TSPAN18: variants seen among roughly 807,000 people sequenced by gnomAD.
TSPAN18 encodes tetraspanin 18, also known as tetraspanin-18.
In TSPAN18, 14 loss-of-function variants were observed where a neutral mutation model predicts 27.3. The observed-to-expected ratio is 0.51, with a 90% CI of 0.34 to 0.80. The LOEUF is 0.80. Ranked by LOEUF, TSPAN18 falls within the 30% of genes least tolerant of loss-of-function variation. The pLI, the probability that TSPAN18 is intolerant of heterozygous loss-of-function variation, is 0.01. For missense variants in TSPAN18, 268 were observed against 323.9 expected, an observed-to-expected ratio of 0.83 and a Z score of 1.32; for synonymous variants, 143 against 136.5, an observed-to-expected ratio of 1.05 and a Z score of -0.33.
intron 3 of TSPAN18, among the ~76,000 whole-genome samples, chr11:44,905,327 G>C (rs758295625): frequency 9.9e-5 from 15 of 152,140 alleles, no homozygotes; most frequent in Non-Finnish European, 2.2e-4. Context: ...CCTTTGCACT[G>C]AGTCCTGTCA....
chr11:44,862,367 T>C (rs1857919020), intron 3 of TSPAN18, among the ~76,000 whole-genome samples: 1 of 152,254 alleles, frequency 6.6e-6, no homozygotes, highest in Non-Finnish European at 1.5e-5. Flanking sequence ...TGCCCCTTGC[T>C]TGGTTTTGGT....
At chr11:44,800,006 G>GGTTTTTTTTTTTTTTTTTTTT (rs1554985027) in intron 2 of TSPAN18, among the ~76,000 whole-genome samples, 1 of 109,398 alleles carries the variant, frequency 9.1e-6, no homozygotes, top group Non-Finnish European at 1.8e-5. Context: ...AATTTTTTGT[G>GGTTTTTTTTTTTTTTTTTTTT]TTTTTTTTTT....
chr11:44,826,146 G>C (rs571622048), intron 2 of TSPAN18, among the ~76,000 whole-genome samples: 5 of 152,374 alleles, frequency 3.3e-5, no homozygotes, highest in African/African-American at 9.6e-5. Flanking sequence ...AGAAGGGCCG[G>C]ACGTGGTGGC....
chr11:44,908,831 A>AAAGAAGGAAAGAAAGAAAGAAAG lies in TSPAN18; in HGVS notation c.64-873_64-872insAGAAGGAAAGAAAGAAAGAAAGA, dbSNP rs1590671474. Among the ~76,000 whole-genome samples, 14 of 96,234 alleles carry AAAGAAGGAAAGAAAGAAAGAAAG rather than the reference A, an allele frequency of 1.5e-4. No homozygotes were observed. The East Asian group carries it at 3.1e-3, about 21-fold the overall frequency. The allele number at this position is 96,234 out of a possible 152,430, so 63.1% of individuals were successfully genotyped here. ...AGAAAGAAAGAAAGAAAGAAAGAAA[A>AAAGAAGGAAAGAAAGAAAGAAAG]AGAAAAATGGAGCAGATATTTATTG... On this transcript the variant is annotated intron_variant, in intron 4 of 9. Coordinates refer to ENST00000520358, the MANE Select transcript of TSPAN18 (RefSeq NM_130783.5).
chr11:44,878,358 T>C (rs1338424221), intron 3 of TSPAN18, among the ~76,000 whole-genome samples: 1 of 152,134 alleles, frequency 6.6e-6, no homozygotes, highest in African/African-American at 2.4e-5. Context: ...GTAGAGATAA[T>C]GAGATCCAGC....
intron 3 of TSPAN18, among the ~76,000 whole-genome samples, chr11:44,887,554 A>G (rs933583143): frequency 6.6e-6 from 1 of 152,188 alleles, no homozygotes; most frequent in African/African-American, 2.4e-5. Context: ...TGTCCACTGC[A>G]CAGTAGGCAT....
chr11:44,774,199 G>A (rs1017690562), intron 2 of TSPAN18, among the ~76,000 whole-genome samples: 6 of 152,172 alleles, frequency 3.9e-5, no homozygotes, highest in African/African-American at 1.4e-4. Flanking sequence ...CAAAGACAGG[G>A]CTTCTTAGGA....
intron 2 of TSPAN18, among the ~76,000 whole-genome samples, chr11:44,775,845 C>G (rs1218841330): frequency 1.3e-5 from 2 of 152,192 alleles, no homozygotes; most frequent in Non-Finnish European, 2.9e-5. Context: ...AGCTAAGTGG[C>G]AGACGATTTT....
chr11:44,789,309 T>C (rs1476426807), intron 2 of TSPAN18, among the ~76,000 whole-genome samples: 1 of 152,214 alleles, frequency 6.6e-6, no homozygotes, highest in Non-Finnish European at 1.5e-5. Context: ...GATCTTCCCA[T>C]CTTTAGCCAA....
At chr11:44,841,110 A>G (rs1255791492) in intron 2 of TSPAN18, among the ~76,000 whole-genome samples, 1 of 152,192 alleles carries the variant, frequency 6.6e-6, no homozygotes, top group East Asian at 1.9e-4. Flanking sequence ...TTGAGTGTCT[A>G]CTGCGTATGT....
intron 2 of TSPAN18, among the ~76,000 whole-genome samples, chr11:44,850,065 C>A (rs1857564817): frequency 6.6e-6 from 1 of 152,122 alleles, no homozygotes; most frequent in South Asian, 2.1e-4. Flanking sequence ...TAACCCCTGT[C>A]CCCAGGACCA....
chr11:44,903,026 A>T (rs547233420), intron 3 of TSPAN18, among the ~76,000 whole-genome samples: 19 of 152,144 alleles, frequency 1.2e-4, no homozygotes, highest in African/African-American at 3.6e-4. Context: ...ACCAAGTGCA[A>T]CCCTACTGTG....
intron 3 of TSPAN18, among the ~76,000 whole-genome samples, chr11:44,877,824 T>C (rs74421942): frequency 0.011 from 1,652 of 152,004 alleles, 24 homozygotes; most frequent in African/African-American, 0.038. Flanking sequence ...GATGTCTTTG[T>C]TTGCATTCTT....
chr11:44,774,162 TG>T lies in TSPAN18; in HGVS notation c.-153+9652del, dbSNP rs569356377. Among the ~76,000 whole-genome samples, 25 of 152,352 alleles carry T rather than the reference TG, an allele frequency of 1.6e-4. No homozygotes were observed. In the South Asian group the frequency reaches 5.2e-3, roughly 32 times the overall value. ...GTCTCTTCAGTAGGAAAGGTCCCTTTGGAGCTGAGATTTTTCTCCTGGACTT... is the reference window on the plus strand; with the variant it reads ...GTCTCTTCAGTAGGAAAGGTCCCTTTGAGCTGAGATTTTTCTCCTGGACTT... On this transcript the variant is annotated intron_variant, in intron 2 of 9. Coordinates refer to ENST00000520358, the MANE Select transcript of TSPAN18 (RefSeq NM_130783.5).
intron 1 of TSPAN18, among the ~76,000 whole-genome samples, chr11:44,762,737 C>G (rs929669232): frequency 3.3e-5 from 5 of 152,110 alleles, no homozygotes; most frequent in Admixed American, 2.6e-4. Context: ...CTGACACTGC[C>G]TGGATGGACA....
intron 9 of TSPAN18, 114 bp from the exon 10 acceptor site, chr11:44,929,017 G>T: frequency 7.6e-7 from 1 of 1,323,504 alleles, no homozygotes; most frequent in African/African-American, 1.5e-5. Flanking sequence ...ATCCTTAGGG[G>T]AGGAGTGTGC....
At chr11:44,847,032 C>G (rs1186704991) in intron 2 of TSPAN18, among the ~76,000 whole-genome samples, 1 of 152,184 alleles carries the variant, frequency 6.6e-6, no homozygotes, top group Non-Finnish European at 1.5e-5. Flanking sequence ...CTAACTTCAG[C>G]AGGAAGCAGA....
At chr11:44,731,311 G>C (rs1260673939) in intron 1 of TSPAN18, among the ~76,000 whole-genome samples, 1 of 152,138 alleles carries the variant, frequency 6.6e-6, no homozygotes, top group East Asian at 1.9e-4. Flanking sequence ...GCCTGGATTT[G>C]CCTGTTAGCT....
At chr11:44,897,848 C>T (rs1859118946) in intron 3 of TSPAN18, 1 of 1,289,360 alleles carries the variant, frequency 7.8e-7, no homozygotes, top group African/African-American at 1.5e-5. Flanking sequence ...TGGCAATAGC[C>T]TCTCCCTTCT....
Sources: allele counts gnomAD v4.1 joint callset (sites outside exome capture counted in the v4.1 genomes callset), GRCh38; gene constraint gnomAD v4.1.1; transcripts MANE v1.5; gene names NCBI Gene and HGNC (gene_info 2026-07-23, HGNC 2026-07-21).